The following ARK2N variants were observed in gnomAD, a reference collection of about 807,000 sequenced individuals.
ARK2N encodes the protein protein ARK2N.
At chr18:46,216,304 C>G in the ARK2N span, 17 of 1,613,772 alleles carry the variant, frequency 1.1e-5, no homozygotes, top group Non-Finnish European at 1.4e-5. This position sits in a 1 kb window ranked among gnomAD's most constrained non-coding sequence, Gnocchi z 4.3. Context: ...CAAGTCTAGG[C>G]GGTCCCGATC....
the ARK2N span, among the ~76,000 whole-genome samples, chr18:46,178,784 C>G: frequency 6.6e-6 from 1 of 150,808 alleles, no homozygotes; most frequent in Middle Eastern, 3.2e-3. Flanking sequence ...TGTGGTGGCA[C>G]ACGCCTGTAG....
the ARK2N span, among the ~76,000 whole-genome samples, chr18:46,237,269 TTACCTGTCATTTAC>T: frequency 1.3e-5 from 2 of 152,168 alleles, no homozygotes; most frequent in Non-Finnish European, 1.5e-5. Flanking sequence ...CTGCAGAATC[TTACCTGTCATTTAC>T]TTCTGTATAG....
chr18:46,183,909 C>T, the ARK2N span, among the ~76,000 whole-genome samples: 1,120 of 150,594 alleles, frequency 7.4e-3, 20 homozygotes, highest in African/African-American at 0.027. Flanking sequence ...CTGCAACCTC[C>T]GTCTCCCGGG....
chr18:46,228,522 C>T, the ARK2N span, among the ~76,000 whole-genome samples: 10 of 152,176 alleles, frequency 6.6e-5, no homozygotes, highest in East Asian at 5.8e-4. Flanking sequence ...GGCAAGAGCT[C>T]TGTAGATTTT....
At chr18:46,221,360 A>G in the ARK2N span, among the ~76,000 whole-genome samples, 1 of 151,258 alleles carries the variant, frequency 6.6e-6, no homozygotes, top group African/African-American at 2.4e-5. Context: ...AGCCTGGCCA[A>G]CATGGTGAAA....
chr18:46,249,524 G>A, the ARK2N span, among the ~76,000 whole-genome samples: 5 of 152,084 alleles, frequency 3.3e-5, no homozygotes, highest in Non-Finnish European at 5.9e-5. Context: ...GAGCCACCAC[G>A]CCCGGCCTTG....
the ARK2N span, among the ~76,000 whole-genome samples, chr18:46,253,101 A>G: frequency 6.6e-6 from 1 of 152,256 alleles, no homozygotes; most frequent in Admixed American, 6.5e-5. Flanking sequence ...TCCTTTTTAG[A>G]TGTAGTTTTG....
At chr18:46,217,411 A>G in the ARK2N span, 1 of 152,206 alleles carries the variant, frequency 6.6e-6, no homozygotes, top group Non-Finnish European at 1.5e-5. Context: ...GATCCTTACA[A>G]TATGATCAGG....
chr18:46,208,464 C>CTT, the ARK2N span, among the ~76,000 whole-genome samples: 803 of 68,372 alleles, frequency 0.012, 2 homozygotes, highest in East Asian at 0.016. Context: ...GTTCTTAAAT[C>CTT]TTTTTTTTTT....
chr18:46,209,900 CTG>C, the ARK2N span, among the ~76,000 whole-genome samples: 6 of 152,090 alleles, frequency 3.9e-5, no homozygotes, highest in East Asian at 1.2e-3. Context: ...GGCCAACAAA[CTG>C]TTTTTTCAGA....
chr18:46,184,789 C>T, the ARK2N span, among the ~76,000 whole-genome samples: 1 of 152,278 alleles, frequency 6.6e-6, no homozygotes, highest in African/African-American at 2.4e-5. Flanking sequence ...GGAGTCTCTT[C>T]ATAGAATTGA....
At chr18:46,185,244 A>T in the ARK2N span, among the ~76,000 whole-genome samples, 1 of 152,220 alleles carries the variant, frequency 6.6e-6, no homozygotes, top group Admixed American at 6.5e-5. Flanking sequence ...TGGGAGATGC[A>T]ACATAGAGGG....
At chr18:46,265,655 A>G in the ARK2N span, 2 of 152,416 alleles carry the variant, frequency 1.3e-5, no homozygotes, top group African/African-American at 4.8e-5. Context: ...CCTAATAACT[A>G]TAGAGAGACT....
chr18:46,219,817 C>T, the ARK2N span, among the ~76,000 whole-genome samples: 2 of 152,074 alleles, frequency 1.3e-5, no homozygotes, highest in African/African-American at 4.8e-5. Context: ...TTTGATCATG[C>T]TCTGCAGTTT....
At chr18:46,217,313 C>G in the ARK2N span, 12 of 152,298 alleles carry the variant, frequency 7.9e-5, no homozygotes, top group African/African-American at 2.6e-4. Context: ...GTACTGTGTA[C>G]TATAATACAA....
At chr18:46,254,174 T>G in the ARK2N span, among the ~76,000 whole-genome samples, 1 of 152,232 alleles carries the variant, frequency 6.6e-6, no homozygotes, top group Non-Finnish European at 1.5e-5. Flanking sequence ...TGCCTTTCAC[T>G]TTACCTGGAA....
At chr18:46,216,880 T>A in the ARK2N span, 1 of 334,158 alleles carries the variant, frequency 3.0e-6, no homozygotes, top group Non-Finnish European at 5.6e-6. This position sits in a 1 kb window ranked among gnomAD's most constrained non-coding sequence, Gnocchi z 4.3. Context: ...ACACATTACC[T>A]GAACTCCCAA....
the ARK2N span, among the ~76,000 whole-genome samples, chr18:46,203,100 T>A: frequency 6.6e-6 from 1 of 152,212 alleles, no homozygotes; most frequent in African/African-American, 2.4e-5. Context: ...AACATAAGCA[T>A]ATTCTATGAC....
the ARK2N span, among the ~76,000 whole-genome samples, chr18:46,206,737 C>G: frequency 1.3e-5 from 2 of 152,024 alleles, no homozygotes; most frequent in Non-Finnish European, 2.9e-5. Context: ...TTTTAACCCA[C>G]TTCTCTTCAT....
Sources: allele counts gnomAD v4.1 joint callset (sites outside exome capture counted in the v4.1 genomes callset), GRCh38; gene constraint gnomAD v4.1.1; non-coding constraint Gnocchi (gnomAD v3.1); transcripts MANE v1.5; gene names NCBI Gene and HGNC (gene_info 2026-07-23, HGNC 2026-07-21).